NLRP13: variants seen among roughly 807,000 people sequenced by gnomAD.
The protein encoded by NLRP13 is NLR family pyrin domain containing 13.
In NLRP13, 82 loss-of-function variants were observed where a neutral mutation model predicts 94.4. The observed-to-expected ratio is 0.87, with a 90% CI of 0.73 to 1.04. The LOEUF is 1.04. Ranked by LOEUF, NLRP13 falls within the 50% of genes least tolerant of loss-of-function variation. The pLI, the probability that NLRP13 is intolerant of heterozygous loss-of-function variation, is 0.00. For synonymous variants in NLRP13, 553 were observed against 464.7 expected (o/e 1.19, Z -2.45); for missense variants, 1,426 against 1,230.8 (o/e 1.16, Z -2.37).
At chr19:55,918,291 A>AT (rs2123133855) in intron 4 of NLRP13, among the ~76,000 whole-genome samples, 1 of 151,230 alleles carries the variant, frequency 6.6e-6, no homozygotes, top group South Asian at 2.1e-4. Flanking sequence ...AAATGCTTAC[A>AT]TTTAAAAAAA....
In NLRP13 at chr19:55,911,755, T is replaced by G. The variant is rs1274374664; in HGVS notation, c.2062A>C (p.Arg688=). The G allele has an allele frequency of 2.5e-6, 4 of 1,613,350 alleles. No individual in the cohort carries two copies. Among genetic ancestry groups the G allele is most frequent in the African/African-American group, 1.3e-5 (1 of 74,888 alleles). Residue 688 remains arginine (R), a synonymous_variant, in exon 5 of 11, where the codon AGG becomes CGG. Transcript: ENST00000342929. ...LKHCKRLNKL[R]LSVSSHILER... ...AGGATGTGACTGCTAACAGAAAGCC[T>G]TAGCTTATTTAACCTTTTACAGTGC...
chr19:55,904,246 C>T (rs1026067973), intron 8 of NLRP13, among the ~76,000 whole-genome samples: 3 of 152,056 alleles, frequency 2.0e-5, no homozygotes, highest in Non-Finnish European at 2.9e-5. Flanking sequence ...GCACCATGCC[C>T]GACTAATTTT....
Position 55,912,757 on chromosome 19 carries a change from C to A in NLRP13, c.1060G>T (p.Val354Phe). ...ILHSLLKKEL[V>F]PLATLLITIK... ...GTGATCAGTAAGGTAGCCAGGGGAA[C>A]CAATTCTTTCTTCAACAAGCTGTGT... The change falls in exon 5 of 11, where the codon GTT (valine) becomes TTT (phenylalanine). Residue 354 changes from valine (V) to phenylalanine (F), a missense_variant. By Grantham distance (50) the Val-to-Phe change is conservative. Coordinates refer to ENST00000342929, the MANE Select transcript of NLRP13 (RefSeq NM_176810.2). 2 of 1,614,136 alleles carry A rather than the reference C, an allele frequency of 1.2e-6. No homozygotes were observed.
At position 55,911,864 on chromosome 19, in the gene NLRP13, T is replaced by C. The variant is rs1469497453; in HGVS notation, c.1953A>G (p.Thr651=). The part of the protein sequence containing the change: ...CLHESQEEDF[T]KKMLGRIFEV... ...CAAAGATACGACCCAACATCTTCTT[T>C]GTGAAGTCTTCCTCCTGGGACTCGT... The change falls in exon 5 of 11, where the codon ACA becomes ACG. Residue 651 remains threonine, a synonymous_variant. Coordinates refer to ENST00000342929, the MANE Select transcript of NLRP13 (RefSeq NM_176810.2). 6.2e-7 allele frequency: 1 copy of C among 1,614,228 alleles called. No homozygotes were observed. Among genetic ancestry groups the C allele is most frequent in the Admixed American group, 1.7e-5 (1 of 60,026 alleles).
intron 7 of NLRP13, among the ~76,000 whole-genome samples, chr19:55,907,553 C>T (rs78077012): frequency 0.23 from 34,910 of 152,080 alleles, 4,250 homozygotes; most frequent in Admixed American, 0.33. Context: ...GCCCGGGGAA[C>T]AGAGTGAGAC....
chr19:55,897,156 A>C (rs1199601594), intron 10 of NLRP13, among the ~76,000 whole-genome samples: 1 of 152,210 alleles, frequency 6.6e-6, no homozygotes, highest in East Asian at 1.9e-4. Flanking sequence ...AGAAACACAA[A>C]GACAAAAGTG....
intron 5 of NLRP13, 89 bp from the exon 6 acceptor site, chr19:55,910,822 C>T: frequency 5.4e-6 from 6 of 1,105,522 alleles, no homozygotes; most frequent in Non-Finnish European, 7.6e-6. Flanking sequence ...GAAAGAAACC[C>T]TAACAAAATT....
At chr19:55,897,271 C>A (rs1309076175) in intron 10 of NLRP13, among the ~76,000 whole-genome samples, 1 of 152,180 alleles carries the variant, frequency 6.6e-6, no homozygotes, top group Non-Finnish European at 1.5e-5. Flanking sequence ...GTAATCCCAA[C>A]ACTTTGGGAG....
chr19:55,905,335 A>G (rs1986306948), intron 7 of NLRP13, among the ~76,000 whole-genome samples: 1 of 151,946 alleles, frequency 6.6e-6, no homozygotes, highest in African/African-American at 2.4e-5. Context: ...TGAGGTCAAG[A>G]GTTCGAGAGC....
intron 8 of NLRP13, among the ~76,000 whole-genome samples, chr19:55,903,081 A>T (rs1986234551): frequency 6.6e-6 from 1 of 151,870 alleles, no homozygotes; most frequent in Non-Finnish European, 1.5e-5. Flanking sequence ...TTATAATTAT[A>T]CTAATTATTA....
At chr19:55,909,470 G>A (rs896312123) in intron 6 of NLRP13, among the ~76,000 whole-genome samples, 1 of 151,734 alleles carries the variant, frequency 6.6e-6, no homozygotes, top group African/African-American at 2.4e-5. Context: ...CCCTGGTGTT[G>A]CCTCCAAGAG....
rs1986843556 is a variant in NLRP13 at position 55,922,093 on chromosome 19, C to A, written c.523+1821G>T. Among the ~76,000 whole-genome samples the A allele has an allele frequency of 2.6e-5, 4 of 152,188 alleles. No homozygotes were observed. The South Asian group carries it at 8.3e-4, about 32-fold the overall frequency. On this transcript the variant is annotated intron_variant, in intron 4 of 10. Coordinates refer to ENST00000342929, the MANE Select transcript of NLRP13 (RefSeq NM_176810.2). ...CTAGTGGGAGGTGAGGGGGCATGTG[C>A]AGGGGAACTCCCCTTTATAAAACCA...
At chr19:55,930,023 G>C (rs1446148884) in intron 1 of NLRP13, among the ~76,000 whole-genome samples, 1 of 152,106 alleles carries the variant, frequency 6.6e-6, no homozygotes, top group Non-Finnish European at 1.5e-5. Flanking sequence ...AAAAAGGGTG[G>C]AGTGGTGTTC....
intron 4 of NLRP13, among the ~76,000 whole-genome samples, chr19:55,921,073 T>C (rs1353939637): frequency 6.6e-6 from 1 of 152,174 alleles, no homozygotes; most frequent in African/African-American, 2.4e-5. Flanking sequence ...TGTGTACATA[T>C]GTACATATAG....
At chr19:55,929,525 A>C (rs954335353) in intron 1 of NLRP13, among the ~76,000 whole-genome samples, 1 of 152,190 alleles carries the variant, frequency 6.6e-6, no homozygotes, top group African/African-American at 2.4e-5. Flanking sequence ...TAACACAGGA[A>C]CGGAAAACCA....
At chr19:55,915,374 G>C (rs1244146564) in intron 4 of NLRP13, among the ~76,000 whole-genome samples, 3 of 151,986 alleles carry the variant, frequency 2.0e-5, no homozygotes, top group Admixed American at 6.6e-5. Context: ...GAAGCAGGTG[G>C]ATCACCTGAG....
In NLRP13 at chr19:55,912,536, C is replaced by T; in HGVS notation, c.1281G>A (p.Val427=). The T allele has an allele frequency of 6.2e-7, 1 of 1,614,156 alleles. No individual in the cohort carries two copies. Among genetic ancestry groups the T allele is most frequent in the Non-Finnish European group, 8.5e-7 (1 of 1,180,012 alleles). ...TCAGACAGGAACATACGGTCCAACA[C>T]ACCATGGGGGCACTGCAGGAATGAA... ...TLFHSCSAPM[V]CWTVCSCLKQ... is the part of the protein sequence containing the mutation. The change falls in exon 5 of 11, where the codon GTG becomes GTA. Residue 427 remains valine, a synonymous_variant. Coordinates refer to ENST00000342929, the MANE Select transcript of NLRP13 (RefSeq NM_176810.2).
At chr19:55,910,797 A>G in intron 5 of NLRP13, 64 bp from the exon 6 acceptor site, 1 of 1,310,196 alleles carries the variant, frequency 7.6e-7, no homozygotes. Context: ...CCCAGAATAC[A>G]ACCTACGGGA....
chr19:55,910,790 A>C (rs1305760003), intron 5 of NLRP13, 57 bp from the exon 6 acceptor site: 1 of 1,379,876 alleles, frequency 7.2e-7, no homozygotes, highest in Non-Finnish European at 1.0e-6. Flanking sequence ...AGCAATACCC[A>C]GAATACAACC....
Sources: allele counts gnomAD v4.1 joint callset (sites outside exome capture counted in the v4.1 genomes callset), GRCh38; gene constraint gnomAD v4.1.1; transcripts MANE v1.5; gene names NCBI Gene and HGNC (gene_info 2026-07-23, HGNC 2026-07-21).